LGMN: variants seen among roughly 807,000 people sequenced by gnomAD.
The protein encoded by LGMN is legumain.
Under a neutral mutation model 56.8 loss-of-function variants are expected in LGMN, and 36 were observed. The ratio of observed to expected loss-of-function variants is 0.63; its 90% CI spans 0.49 to 0.84. The LOEUF (loss-of-function observed/expected upper bound fraction) is 0.84. LGMN is among the 40% of genes least tolerant of loss of function. LGMN has a pLI of 0.00. For synonymous variants in LGMN, 199 were observed against 210.1 expected (o/e 0.95, Z 0.46); for missense variants, 446 against 556.1 (o/e 0.80, Z 1.99).
At chr14:92,724,881 G>A (rs963180764) in intron 2 of LGMN, among the ~76,000 whole-genome samples, 17 of 152,310 alleles carry the variant, frequency 1.1e-4, no homozygotes, top group East Asian at 1.9e-4. Context: ...TAAAGGGTCC[G>A]CTCTCCAGCC....
At chr14:92,718,469 G>A (rs1280146750) in intron 3 of LGMN, among the ~76,000 whole-genome samples, 1 of 152,084 alleles carries the variant, frequency 6.6e-6, no homozygotes, top group East Asian at 1.9e-4. Flanking sequence ...AGCTTCTTGG[G>A]AGGCTGAGGT....
chr14:92,711,717 T>G lies in LGMN; in HGVS notation c.761A>C (p.Gln254Pro). 1 of 1,614,232 alleles carries G rather than the reference T, an allele frequency of 6.2e-7. No individual in the cohort carries two copies. Among genetic ancestry groups the G allele is most frequent in the Non-Finnish European group, 8.5e-7 (1 of 1,180,032 alleles). The change falls in exon 10 of 14, where the codon CAG (glutamine) becomes CCG (proline). Residue 254 changes from glutamine (Q) to proline (P), a missense_variant. Physicochemically the swap from Gln to Pro is moderately conservative, Grantham distance 76. Coordinates refer to ENST00000334869, the MANE Select transcript of LGMN (RefSeq NM_005606.7). ...GGTGTGCGATTTTACCAGGTGGTAC[T>G]GCTTGTGCAGGGTCTCTTTAGTCAG... ...EDLTKETLHKQYHLVKSHTNT... is the reference protein window; with the variant it reads ...EDLTKETLHKPYHLVKSHTNT...
rs547162377 is a variant in LGMN, at chr14:92,704,366, G to A, written c.1260-5C>T. ...TGGTCCATGGACAATTTTATCCTGC[G>A]AGAGACAGGAAGGAGAACTTGGTGA... On this transcript the variant is annotated splice_region_variant and splice_polypyrimidine_tract_variant and intron_variant, in intron 13 of 13. Transcript: ENST00000334869. 5.6e-6 allele frequency: 9 copies of A among 1,596,788 alleles called. No homozygotes were observed. The highest frequency in any genetic ancestry group is 3.4e-5 in the Admixed American group (2 of 59,274).
chr14:92,712,773 C>A, intron 8 of LGMN, 32 bp downstream of exon 8: 1 of 1,607,068 alleles, frequency 6.2e-7, no homozygotes, highest in African/African-American at 1.3e-5. Context: ...TGCTTGCCAG[C>A]CCAGGTCGAG....
At chr14:92,716,086 G>T (rs368756270) in intron 5 of LGMN, 50 bp downstream of exon 5, 10 of 1,235,608 alleles carry the variant, frequency 8.1e-6, no homozygotes, top group African/African-American at 5.9e-5. Flanking sequence ...TTCTCTATAC[G>T]GGGGTCCCAA....
chr14:92,738,610 G>A (rs1236708895), intron 1 of LGMN, among the ~76,000 whole-genome samples: 3 of 152,024 alleles, frequency 2.0e-5, no homozygotes, highest in Non-Finnish European at 4.4e-5. Flanking sequence ...TCTCTACTTG[G>A]TGATGGTCCT....
intron 7 of LGMN, among the ~76,000 whole-genome samples, chr14:92,713,622 C>T (rs1889912033): frequency 6.6e-6 from 1 of 152,200 alleles, no homozygotes; most frequent in African/African-American, 2.4e-5. Flanking sequence ...GAGGCCCACA[C>T]TGTTTTAACA....
At chr14:92,737,226 C>G (rs937205684) in intron 1 of LGMN, among the ~76,000 whole-genome samples, 7 of 152,110 alleles carry the variant, frequency 4.6e-5, no homozygotes, top group Admixed American at 6.6e-5. Flanking sequence ...TTATTTTTGT[C>G]TCTCCTTTTA....
At position 92,732,712 on chromosome 14, in the gene LGMN, A is replaced by C. The variant is rs1566933070; in HGVS notation, c.75T>G (p.Asp25Glu). 1 of 1,614,166 alleles carries C rather than the reference A, an allele frequency of 6.2e-7. No homozygotes were observed. Residue 25 changes from aspartate to glutamate, a missense_variant, in exon 2 of 14, where the codon GAT (aspartate) becomes GAG (glutamate). Transcript: ENST00000334869. ...CGATCACCACCCAGTGCTTGCCTCC[A>C]TCTTCAGGATCATCTATAGGAACGG... ...IGAVPIDDPE[D>E]GGKHWVVIVA... is the part of the protein sequence containing the mutation.
chr14:92,706,145 G>A (rs1030731774), intron 12 of LGMN, among the ~76,000 whole-genome samples: 7 of 152,134 alleles, frequency 4.6e-5, no homozygotes, highest in African/African-American at 1.4e-4. Context: ...GACTCAGAAG[G>A]GAGAAGATGT....
At chr14:92,746,444 T>C (rs1339729056) in intron 1 of LGMN, among the ~76,000 whole-genome samples, 1 of 152,204 alleles carries the variant, frequency 6.6e-6, no homozygotes, top group African/African-American at 2.4e-5. Context: ...TACTTCTACA[T>C]ATTTCTTACT....
In LGMN at chr14:92,706,779, G is replaced by A. The variant is rs1437200901; in HGVS notation, c.1021-126C>T. The A allele has an allele frequency of 7.2e-6, 6 of 831,612 alleles. No homozygotes were observed. In the African/African-American group the frequency reaches 1.0e-4, roughly 14 times the overall value. The allele number at this position is 831,612 out of a possible 1,614,324, so 51.5% of individuals were successfully genotyped here. On this transcript the variant is annotated intron_variant, in intron 11 of 13. Coordinates refer to ENST00000334869, the MANE Select transcript of LGMN (RefSeq NM_005606.7). The stretch of plus-strand genomic sequence containing the variant: ...GCCCTCAGCCTCCCGCAGGTTAGAG[G>A]AAATAACAATCAATGTGCTCCGAGA...
chr14:92,738,628 C>T (rs766754566), intron 1 of LGMN, among the ~76,000 whole-genome samples: 13 of 152,024 alleles, frequency 8.6e-5, no homozygotes, highest in Non-Finnish European at 1.5e-4. Flanking sequence ...CCTGCTCCAT[C>T]GTTCTTTTTT....
At chr14:92,743,367 G>A (rs953105236) in intron 1 of LGMN, among the ~76,000 whole-genome samples, 6 of 152,158 alleles carry the variant, frequency 3.9e-5, no homozygotes, top group African/African-American at 1.4e-4. Flanking sequence ...GCCAGGCGTG[G>A]TGGCGGGCAC....
chr14:92,743,801 C>CAA (rs397853236), intron 1 of LGMN, among the ~76,000 whole-genome samples: 6 of 95,012 alleles, frequency 6.3e-5, no homozygotes, highest in Admixed American at 1.2e-4. Flanking sequence ...GACTCTGTCT[C>CAA]AAAAAAAAAA....
In LGMN at chr14:92,718,619, T is replaced by A. The variant is rs147476471; in HGVS notation, c.236+128A>T. The A allele has an allele frequency of 6.1e-4, 319 of 526,594 alleles. 1 individual carries two copies. The East Asian group carries it at 9.5e-3, about 16-fold the overall frequency. 32.6% of individuals were successfully genotyped at this position (526,594 alleles called of 1,614,324 possible). ...AAAAGCTCAACATGAGGTATCCCTG[T>A]GATCTTCTGTCTGGGAGTCTCTTAT... On this transcript the variant is annotated intron_variant, in intron 3 of 13. Transcript: ENST00000334869.
At chr14:92,722,659 T>G (rs760061627) in intron 2 of LGMN, among the ~76,000 whole-genome samples, 20 of 152,096 alleles carry the variant, frequency 1.3e-4, no homozygotes, top group Non-Finnish European at 2.9e-4. Flanking sequence ...AAAGACATTA[T>G]TAAAAAAATG....
intron 2 of LGMN, among the ~76,000 whole-genome samples, chr14:92,729,762 A>C (rs986822718): frequency 3.3e-5 from 5 of 152,222 alleles, no homozygotes; most frequent in African/African-American, 1.2e-4. Flanking sequence ...ATAAGCCTCC[A>C]AAGTCAAGAA....
rs1889948970 is a variant in LGMN, at chr14:92,714,240, C to T, written c.480+136G>A. On this transcript the variant is annotated intron_variant, in intron 6 of 13. Coordinates refer to ENST00000334869, the MANE Select transcript of LGMN (RefSeq NM_005606.7). The surrounding 1 kb of genome is among the most constrained non-coding windows in gnomAD (Gnocchi z 5.1). ...ATAGATTTCAAGCTGCTAAACCTGT[C>T]CCCCACTCCCACCCACCACACGTAC... 3 of 647,422 alleles carry T rather than the reference C, an allele frequency of 4.6e-6. No individual in the cohort carries two copies. In the Admixed American group the frequency reaches 8.2e-5, roughly 18 times the overall value. 40.1% of individuals were successfully genotyped at this position (647,422 alleles called of 1,614,324 possible).
Sources: allele counts gnomAD v4.1 joint callset (sites outside exome capture counted in the v4.1 genomes callset), GRCh38; gene constraint gnomAD v4.1.1; non-coding constraint Gnocchi (gnomAD v3.1); transcripts MANE v1.5; gene names NCBI Gene and HGNC (gene_info 2026-07-23, HGNC 2026-07-21).